Variants in KLRD1 observed in about 807,000 individuals in gnomAD.
KLRD1 encodes natural killer cells antigen CD94.
KLRD1 carries 21 observed loss-of-function variants against 22.6 expected under a neutral mutation model. The observed-to-expected ratio is 0.93, with a 90% CI of 0.66 to 1.34. The LOEUF is 1.34. KLRD1 is among the 40% of genes most tolerant of loss of function. KLRD1 has a pLI of 0.00. For missense variants in KLRD1, 183 were observed against 208.6 expected (o/e 0.88, Z 0.76); for synonymous variants, 59 against 71.1 (o/e 0.83, Z 0.85).
At chr12:10,239,465 CCTTCCTTCCTTCCTTCCTT>C (rs1565443172) in intron 1 of KLRD1, among the ~76,000 whole-genome samples, 2 of 41,452 alleles carry the variant, frequency 4.8e-5, no homozygotes, top group African/African-American at 1.8e-4. Context: ...TTCCTTCCTT[CCTTCCTTCCTTCCTTCCTT>C]CTTCCTTCCT....
At chr12:10,273,943 G>A (rs910028372) in intron 1 of KLRD1, among the ~76,000 whole-genome samples, 6 of 152,142 alleles carry the variant, frequency 3.9e-5, no homozygotes, top group Admixed American at 3.3e-4. Context: ...CTCTGTAAAT[G>A]TTCCAGGAAA....
chr12:10,246,151 T>C (rs1949288773), intron 1 of KLRD1, among the ~76,000 whole-genome samples: 1 of 152,236 alleles, frequency 6.6e-6, no homozygotes, highest in South Asian at 2.1e-4. Context: ...CCCTACTTAA[T>C]TGTATATTGC....
At chr12:10,314,568 G>A in intron 5 of KLRD1, 105 bp from the exon 6 acceptor site, 2 of 991,698 alleles carry the variant, frequency 2.0e-6, no homozygotes, top group Non-Finnish European at 2.8e-6. Context: ...CAATATGTTA[G>A]TATCTCACTC....
intron 1 of KLRD1, among the ~76,000 whole-genome samples, chr12:10,273,378 T>G (rs1261990753): frequency 6.6e-6 from 1 of 152,240 alleles, no homozygotes; most frequent in African/African-American, 2.4e-5. Flanking sequence ...CTGAAAAGAT[T>G]GTAATGTAAT....
At position 10,326,386 on chromosome 12, in the gene KLRD1, A is replaced by T. The variant is rs1049940799; in HGVS notation, c.*11593A>T. 1 of 152,192 alleles carries T rather than the reference A, an allele frequency of 6.6e-6. No homozygotes were observed. The highest frequency in any genetic ancestry group is 6.5e-5 in the Admixed American group (1 of 15,274). 9.4% of individuals were successfully genotyped at this position (152,192 alleles called of 1,614,324 possible). A position where few individuals can be genotyped will look rare whatever the true frequency, so the allele number is the denominator to read the frequency against. On this transcript the variant is annotated 3_prime_UTR_variant, in exon 6 of 6. Coordinates refer to ENST00000336164, the MANE Select transcript of KLRD1 (RefSeq NM_002262.5). ...GCCCATAACACAGCCTCACCTCAGGAGGTCCTGCTGACATGTGCCCAAGGT... is the reference window on the plus strand; with the variant it reads ...GCCCATAACACAGCCTCACCTCAGGTGGTCCTGCTGACATGTGCCCAAGGT...
At chr12:10,290,905 T>C (rs1315183691) in intron 1 of KLRD1, among the ~76,000 whole-genome samples, 3 of 152,218 alleles carry the variant, frequency 2.0e-5, no homozygotes, top group African/African-American at 7.2e-5. Context: ...ATAAGGTCTA[T>C]GGATTGTACC....
intron 1 of KLRD1, among the ~76,000 whole-genome samples, chr12:10,267,636 A>C (rs937122175): frequency 6.6e-6 from 1 of 152,226 alleles, no homozygotes; most frequent in Non-Finnish European, 1.5e-5. Flanking sequence ...AATTTGGCGT[A>C]ATTATAAGAG....
intron 1 of KLRD1, among the ~76,000 whole-genome samples, chr12:10,269,026 T>C (rs1043762546): frequency 6.6e-6 from 1 of 152,158 alleles, no homozygotes; most frequent in African/African-American, 2.4e-5. Context: ...TATGTAGAAA[T>C]AATCCTAAAC....
In KLRD1 at chr12:10,318,954, T is replaced by C. The variant is rs1016897202; in HGVS notation, c.*4161T>C. On this transcript the variant is annotated 3_prime_UTR_variant, in exon 6 of 6. Coordinates refer to ENST00000336164, the MANE Select transcript of KLRD1 (RefSeq NM_002262.5). ...GTTAGTTCTATAATTTTGGACTTTCTGAAACTTTTCTCTTTATATCCTAAC... is the reference window on the plus strand; with the variant it reads ...GTTAGTTCTATAATTTTGGACTTTCCGAAACTTTTCTCTTTATATCCTAAC... 3.9e-5 allele frequency: 6 copies of C among 152,174 alleles called. No homozygotes were observed. Among genetic ancestry groups the C allele is most frequent in the African/African-American group, 1.4e-4 (6 of 41,432 alleles). The allele number at this position is 152,174 out of a possible 1,614,324, so 9.4% of individuals were successfully genotyped here.
At chr12:10,293,707 G>C (rs2255542) in intron 1 of KLRD1, among the ~76,000 whole-genome samples, 1 of 152,098 alleles carries the variant, frequency 6.6e-6, no homozygotes, top group South Asian at 2.1e-4. Context: ...AAAAAAAATG[G>C]CACTGATAGA....
intron 1 of KLRD1, among the ~76,000 whole-genome samples, chr12:10,276,695 C>CAA (rs11318914): frequency 3.0e-5 from 4 of 133,086 alleles, no homozygotes; most frequent in African/African-American, 8.5e-5. Context: ...TAAAATTTGA[C>CAA]AAAAAAAAAA....
intron 1 of KLRD1, among the ~76,000 whole-genome samples, chr12:10,257,366 G>A (rs1949407877): frequency 6.7e-6 from 1 of 149,894 alleles, no homozygotes; most frequent in Non-Finnish European, 1.5e-5. Flanking sequence ...ATATTGGTCT[G>A]TTAAATAACG....
chr12:10,310,368 C>T (rs781659087), intron 3 of KLRD1, among the ~76,000 whole-genome samples: 2 of 152,222 alleles, frequency 1.3e-5, no homozygotes, highest in African/African-American at 2.4e-5. Context: ...CATCCACCTG[C>T]CTCGGCTTCC....
At position 10,257,124 on chromosome 12, in the gene KLRD1, TTTTTC is replaced by T. The variant is rs1240479431; in HGVS notation, c.-101+30906_-101+30910del. On this transcript the variant is annotated intron_variant, in intron 1 of 5. Transcript: ENST00000544747. Reference sequence around the variant, plus strand: ...CAAATATTTTCTTGTTTTGTTTTGTTTTTTCTTTTCTTTTCTTTTTTTTTTTTTTT... The same window carrying T: ...CAAATATTTTCTTGTTTTGTTTTGTTTTTTCTTTTCTTTTTTTTTTTTTTT... 2.3e-3 allele frequency among the ~76,000 whole-genome samples: 254 copies of T among 111,620 alleles called. 1 individual carries two copies. The highest frequency in any genetic ancestry group is 7.0e-3 in the African/African-American group (242 of 34,670). The allele number at this position is 111,620 out of a possible 152,430, so 73.2% of individuals were successfully genotyped here. A position where few individuals can be genotyped will look rare whatever the true frequency, so the allele number is the denominator to read the frequency against.
At chr12:10,248,530 T>TTTCCTTCC (rs547431896) in intron 1 of KLRD1, among the ~76,000 whole-genome samples, 20,467 of 95,792 alleles carry the variant, frequency 0.21, 2,733 homozygotes, top group Middle Eastern at 0.3. Context: ...TGTATTTTCT[T>TTTCCTTCC]TTCCTTCCTT....
At position 10,326,732 on chromosome 12, in the gene KLRD1, T is replaced by G. The variant is rs935678894; in HGVS notation, c.*11939T>G. The G allele has an allele frequency of 1.3e-5, 2 of 152,218 alleles. No homozygotes were observed. The highest frequency in any genetic ancestry group is 4.8e-5 in the African/African-American group (2 of 41,454). The allele number at this position is 152,218 out of a possible 1,614,324, so 9.4% of individuals were successfully genotyped here. A position where few individuals can be genotyped will look rare whatever the true frequency, so the allele number is the denominator to read the frequency against. ...GCATCTTTTTGTTTCTGATTAGCCT[T>G]TCCAAAGGAGGCAATCAGATACGTA... On this transcript the variant is annotated 3_prime_UTR_variant, in exon 6 of 6. Transcript: ENST00000336164.
intron 1 of KLRD1, among the ~76,000 whole-genome samples, chr12:10,247,663 TC>T (rs1949304700): frequency 6.6e-6 from 1 of 152,138 alleles, no homozygotes; most frequent in Admixed American, 6.5e-5. Context: ...GTTCCCCTAA[TC>T]CCCACATGTC....
chr12:10,307,366 T>C (rs1949948826), upstream of KLRD1, among the ~76,000 whole-genome samples: 1 of 152,218 alleles, frequency 6.6e-6, no homozygotes, highest in Non-Finnish European at 1.5e-5. Flanking sequence ...TTTTGAACTT[T>C]GCCTGTCGTG....
intron 1 of KLRD1, among the ~76,000 whole-genome samples, chr12:10,273,594 T>C (rs1211928883): frequency 6.6e-6 from 1 of 152,202 alleles, no homozygotes; most frequent in Non-Finnish European, 1.5e-5. Context: ...CTTTGATGGA[T>C]AGAAATAAAC....
Sources: allele counts gnomAD v4.1 joint callset (sites outside exome capture counted in the v4.1 genomes callset), GRCh38; gene constraint gnomAD v4.1.1; transcripts MANE v1.5; gene names NCBI Gene and HGNC (gene_info 2026-07-23, HGNC 2026-07-21).